SRGAP3: variants seen among roughly 807,000 people sequenced by gnomAD.
SRGAP3 encodes SLIT-ROBO Rho GTPase-activating protein 3.
A neutral mutation model predicts 121.1 loss-of-function variants in SRGAP3; 39 were observed. The ratio of observed to expected loss-of-function variants is 0.32; its 90% CI spans 0.25 to 0.42. SRGAP3 has a LOEUF of 0.42. Among genes scored for constraint, SRGAP3 ranks in the 10% least tolerant of loss-of-function variants. SRGAP3 has a pLI of 1.00. For missense variants in SRGAP3, 1,213 were observed against 1,470.6 expected, an observed-to-expected ratio of 0.82 and a Z score of 2.86; for synonymous variants, 601 against 570.0, an observed-to-expected ratio of 1.05 and a Z score of -0.77.
At chr3:9,334,899 G>C (rs922026465) in intron 1 of SRGAP3, among the ~76,000 whole-genome samples, 20 of 152,172 alleles carry the variant, frequency 1.3e-4, no homozygotes, top group Admixed American at 8.5e-4. Context: ...AAGGTTGTTG[G>C]GATAACGGGT....
intron 2 of SRGAP3, among the ~76,000 whole-genome samples, chr3:9,110,936 C>T (rs1298407842): frequency 4.6e-5 from 7 of 152,258 alleles, no homozygotes; most frequent in Non-Finnish European, 1.0e-4. Context: ...TGTTCACCGG[C>T]GTCTGCCATG....
intron 1 of SRGAP3, among the ~76,000 whole-genome samples, chr3:9,147,525 C>A (rs1434688612): frequency 1.3e-5 from 2 of 152,114 alleles, no homozygotes; most frequent in African/African-American, 4.8e-5. Flanking sequence ...AGACTGAAGG[C>A]TCCCTGCCCC....
At chr3:9,216,240 G>T (rs966103251) in intron 1 of SRGAP3, among the ~76,000 whole-genome samples, 2 of 152,170 alleles carry the variant, frequency 1.3e-5, no homozygotes, top group Non-Finnish European at 2.9e-5. Flanking sequence ...AGAACACTCA[G>T]GCCCTGCCTC....
At chr3:9,328,294 CAGA>C (rs1486467011) in intron 2 of SRGAP3, among the ~76,000 whole-genome samples, 2 of 151,672 alleles carry the variant, frequency 1.3e-5, no homozygotes, top group Admixed American at 6.6e-5. Context: ...CACAGACAGA[CAGA>C]AGAAGATTAC....
intron 3 of SRGAP3, among the ~76,000 whole-genome samples, chr3:9,285,951 CAA>C (rs1359263416): frequency 6.6e-6 from 1 of 150,948 alleles, no homozygotes; most frequent in East Asian, 2.0e-4. Context: ...CTACTAAAAA[CAA>C]AGTTTAAAAA....
At chr3:8,989,757 T>C (rs1204791722) in intron 21 of SRGAP3, among the ~76,000 whole-genome samples, 1 of 152,198 alleles carries the variant, frequency 6.6e-6, no homozygotes, top group Non-Finnish European at 1.5e-5. Flanking sequence ...GTAAAAATCA[T>C]ATAGATTTTT....
chr3:9,201,083 T>C (rs1334510106), intron 1 of SRGAP3, among the ~76,000 whole-genome samples: 5 of 152,310 alleles, frequency 3.3e-5, no homozygotes, highest in African/African-American at 1.2e-4. Flanking sequence ...CTGGTCCAGA[T>C]GGATATATTC....
intron 3 of SRGAP3, among the ~76,000 whole-genome samples, chr3:9,084,920 G>A (rs1362895656): frequency 6.6e-6 from 1 of 152,154 alleles, no homozygotes; most frequent in African/African-American, 2.4e-5. Context: ...GGCCTGTTGG[G>A]CAGCAGAGGG....
At chr3:9,294,742 T>TGTGTGTGTGTGTGTG (rs1304568303) in intron 3 of SRGAP3, among the ~76,000 whole-genome samples, 65 of 50,966 alleles carry the variant, frequency 1.3e-3, no homozygotes, top group Non-Finnish European at 2.2e-3. Context: ...GTGTGTGTGT[T>TGTGTGTGTGTGTGTG]TGGGAGGGCA....
intron 3 of SRGAP3, among the ~76,000 whole-genome samples, chr3:9,304,734 T>A (rs1955128676): frequency 6.6e-6 from 1 of 152,088 alleles, no homozygotes; most frequent in African/African-American, 2.4e-5. Context: ...GTATGCTCAC[T>A]CCCTGAGGGC....
chr3:9,359,057 C>T (rs751732459), intron 1 of SRGAP3, among the ~76,000 whole-genome samples: 9 of 152,124 alleles, frequency 5.9e-5, no homozygotes, highest in Non-Finnish European at 1.2e-4. Flanking sequence ...GACTTGGATC[C>T]TGGCAAAACA....
At chr3:9,015,962 A>G (rs1221863676) in intron 14 of SRGAP3, 9 of 561,066 alleles carry the variant, frequency 1.6e-5, no homozygotes, top group Non-Finnish European at 2.5e-5. Context: ...ATGAACGCCC[A>G]TCACCCTTCG....
rs1014273082 is a variant in SRGAP3 at position 9,149,228 on chromosome 3, A to G, written c.68-24311T>C. Among the ~76,000 whole-genome samples the G allele has an allele frequency of 9.1e-4, 138 of 151,824 alleles. 2 individuals are homozygous for G. Among genetic ancestry groups the G allele is most frequent in the Middle Eastern group, 3.4e-3 (1 of 294 alleles). ...GACTCCGTCTCAAAAAAAAAAAAAA[A>G]AAAGAAAAGAAAAAAAGAAACCTGA... On this transcript the variant is annotated intron_variant, in intron 1 of 21. Transcript: ENST00000383836.
rs565473076 is a variant in SRGAP3 at position 9,205,982 on chromosome 3, G to A, written c.67+42903C>T. Among the ~76,000 whole-genome samples the A allele has an allele frequency of 2.1e-4, 32 of 152,198 alleles. 1 individual carries two copies. In the East Asian group the frequency reaches 5.0e-3, roughly 24 times the overall value. Reference sequence around the variant, plus strand: ...TTGCTAGGGGGTTGGGGAGGAGAAGGGGAACTAGTATTTAATGGGTGCAGA... The same window carrying A: ...TTGCTAGGGGGTTGGGGAGGAGAAGAGGAACTAGTATTTAATGGGTGCAGA... On this transcript the variant is annotated intron_variant, in intron 1 of 21. Transcript: ENST00000383836.
chr3:9,334,820 T>C (rs902798050), intron 1 of SRGAP3, among the ~76,000 whole-genome samples: 2 of 152,216 alleles, frequency 1.3e-5, no homozygotes, highest in African/African-American at 4.8e-5. Flanking sequence ...GCTCTAGGAA[T>C]GTCCCTTAGC....
intron 1 of SRGAP3, among the ~76,000 whole-genome samples, chr3:9,333,410 C>G (rs1955641211): frequency 6.6e-6 from 1 of 152,044 alleles, no homozygotes; most frequent in Admixed American, 6.6e-5. Flanking sequence ...CTCAGCCTTT[C>G]CTTCCTCTCC....
rs887459196 is a variant in SRGAP3 at position 9,032,661 on chromosome 3, C to T, written c.1528G>A (p.Ala510Thr). The change falls in exon 12 of 22, where the codon GCA (alanine) becomes ACA (threonine). Residue 510 changes from alanine to threonine, a missense_variant. Physicochemically the swap from Ala to Thr is moderately conservative, Grantham distance 58 (BLOSUM62 0). Coordinates refer to ENST00000383836, the MANE Select transcript of SRGAP3 (RefSeq NM_014850.4). ...SHKLFNGSME[A>T]FIKDSGQAIP... is the part of the protein sequence containing the mutation. ...TCCCCAGCAAGTACCTTAATGAATG[C>T]TTCCATACTGCCGTTAAAGAGTTTA... The T allele has an allele frequency of 2.5e-6, 4 of 1,613,502 alleles. No homozygotes were observed. Among genetic ancestry groups the T allele is most frequent in the South Asian group, 1.1e-5 (1 of 91,048 alleles).
intron 1 of SRGAP3, among the ~76,000 whole-genome samples, chr3:9,134,491 T>A (rs936854386): frequency 1.3e-5 from 2 of 152,074 alleles, no homozygotes; most frequent in Admixed American, 6.5e-5. Context: ...TATCATGACA[T>A]CCTATGAGGC....
In SRGAP3 at chr3:9,078,275, C is replaced by T. The variant is rs557521670; in HGVS notation, c.486+1750G>A. ...TAGGTGGGAATGAATGGGGGGGTCC[C>T]AGGACATTGGGGCTAAGTTGTTTTG... On this transcript the variant is annotated intron_variant, in intron 4 of 21. Transcript: ENST00000383836. 2.0e-5 allele frequency among the ~76,000 whole-genome samples: 3 copies of T among 152,144 alleles called. No individual in the cohort carries two copies. In the South Asian group the frequency reaches 6.2e-4, roughly 32 times the overall value.
Sources: gnomAD v4.1 joint callset for allele counts (sites outside exome capture counted in the v4.1 genomes callset) on GRCh38, gnomAD v4.1.1 for gene constraint, MANE v1.5 for transcripts, NCBI Gene and HGNC (gene_info 2026-07-23, HGNC 2026-07-21) for gene names.